The following SMAD3 variants were observed in gnomAD, a reference collection of about 807,000 sequenced individuals.
The protein encoded by SMAD3 is SMAD family member 3, also known as MAD homolog 3.
In SMAD3, 12 loss-of-function variants were observed where a neutral mutation model predicts 51.8. That is an observed-to-expected ratio of 0.23 (90% CI 0.15 to 0.38). The LOEUF is 0.38. Among genes scored for constraint, SMAD3 ranks in the 10% least tolerant of loss-of-function variants. The pLI is 1.00. For missense variants in SMAD3, 294 were observed against 565.6 expected (o/e 0.52, Z 4.87); for synonymous variants, 238 against 227.7 (o/e 1.05, Z -0.41).
chr15:67,130,053 A>G (rs990986), intron 1 of SMAD3, among the ~76,000 whole-genome samples: 39,732 of 152,162 alleles, frequency 0.26, 6,246 homozygotes, highest in Middle Eastern at 0.37. Flanking sequence ...TCTTCTTCCC[A>G]TTAAGGAAGA....
At chr15:67,120,503 G>C (rs1961234341) in intron 1 of SMAD3, among the ~76,000 whole-genome samples, 1 of 152,214 alleles carries the variant, frequency 6.6e-6, no homozygotes, top group Non-Finnish European at 1.5e-5. Context: ...CTGGTAAAAT[G>C]TCTGTGTTTA....
intron 5 of SMAD3, 126 bp downstream of exon 5, chr15:67,170,730 C>T: frequency 1.3e-6 from 1 of 799,984 alleles, no homozygotes; most frequent in South Asian, 1.5e-5. Context: ...CCAGCTCAGC[C>T]CATCAGGTTT....
intron 1 of SMAD3, chr15:67,137,872 C>G: frequency 3.3e-6 from 2 of 604,968 alleles, no homozygotes; most frequent in Admixed American, 2.6e-5. Flanking sequence ...TACTGTCCTC[C>G]CTTTGGATTT....
At position 67,066,086 on chromosome 15, in the gene SMAD3, G is replaced by A. The variant is rs1595881977; in HGVS notation, c.-69G>A. On this transcript the variant is annotated 5_prime_UTR_variant, in exon 1 of 9. Transcript: ENST00000327367. ...AGGCCCCGGCCGAGCTCCCCTCTGC[G>A]CCCCCGGCGTCCCGTCGAGCCCAGC... 8 of 1,243,040 alleles carry A rather than the reference G, an allele frequency of 6.4e-6. No individual in the cohort carries two copies. Among genetic ancestry groups the A allele is most frequent in the Middle Eastern group, 2.8e-4 (1 of 3,632 alleles). The allele number at this position is 1,243,040 out of a possible 1,614,324, so 77.0% of individuals were successfully genotyped here.
At chr15:67,074,784 G>A (rs1960132796) in intron 1 of SMAD3, among the ~76,000 whole-genome samples, 1 of 152,180 alleles carries the variant, frequency 6.6e-6, no homozygotes, top group African/African-American at 2.4e-5. Flanking sequence ...CCGCCTCCCA[G>A]GTTCAAGCAG....
intron 1 of SMAD3, among the ~76,000 whole-genome samples, chr15:67,162,597 C>T (rs1392860996): frequency 1.3e-5 from 2 of 152,160 alleles, no homozygotes; most frequent in African/African-American, 2.4e-5. Flanking sequence ...GCCTTTGGGG[C>T]CCTGCAGAGT....
intron 1 of SMAD3, among the ~76,000 whole-genome samples, chr15:67,098,376 A>AAGCAAGCAAGCC (rs138907970): frequency 8.7e-5 from 13 of 150,016 alleles, no homozygotes; most frequent in Admixed American, 7.3e-4. Context: ...GCAAGCAAGC[A>AAGCAAGCAAGCC]AGCCAGCAGG....
intron 1 of SMAD3, among the ~76,000 whole-genome samples, chr15:67,124,481 A>G (rs941744291): frequency 1.3e-5 from 2 of 152,160 alleles, no homozygotes; most frequent in African/African-American, 4.8e-5. Context: ...TTTAGAGAAG[A>G]TGGACTTGTT....
intron 1 of SMAD3, among the ~76,000 whole-genome samples, chr15:67,072,079 T>C (rs1366829424): frequency 6.6e-6 from 1 of 152,158 alleles, no homozygotes; most frequent in Non-Finnish European, 1.5e-5. Flanking sequence ...ATGCAAGAAG[T>C]TGATGAAATT....
At chr15:67,187,546 C>T in intron 8 of SMAD3, 37 bp downstream of exon 8, 2 of 1,612,722 alleles carry the variant, frequency 1.2e-6, no homozygotes, top group Non-Finnish European at 1.7e-6. Context: ...GGGGACCCAA[C>T]TCCAGGTGAC....
chr15:67,139,562 T>C (rs892953021), intron 1 of SMAD3, among the ~76,000 whole-genome samples: 1 of 152,130 alleles, frequency 6.6e-6, no homozygotes, highest in African/African-American at 2.4e-5. Flanking sequence ...CCCTGGTGGG[T>C]CCTGGGCTGA....
rs1959902840 is a variant in SMAD3 at position 67,065,958 on chromosome 15, G to T, written c.-197G>T. On this transcript the variant is annotated 5_prime_UTR_variant, in exon 1 of 9. Coordinates refer to ENST00000327367, the MANE Select transcript of SMAD3 (RefSeq NM_005902.4). The stretch of plus-strand genomic sequence containing the variant: ...CTCTTCGCCGTGGGAGCCGCTCCGG[G>T]CGCAGGGCCGCGCGCCGAGCCCCGC... 1 of 210,900 alleles carries T rather than the reference G, an allele frequency of 4.7e-6. No homozygotes were observed. The highest frequency in any genetic ancestry group is 9.4e-6 in the Non-Finnish European group (1 of 106,098). 13.1% of individuals were successfully genotyped at this position (210,900 alleles called of 1,614,324 possible).
At chr15:67,078,812 ATGT>A (rs1408273743) in intron 1 of SMAD3, among the ~76,000 whole-genome samples, 4 of 152,168 alleles carry the variant, frequency 2.6e-5, no homozygotes, top group African/African-American at 9.7e-5. Flanking sequence ...GACTGTGGAC[ATGT>A]TGTTTAACTT....
chr15:67,145,133 G>C (rs1337263476), intron 1 of SMAD3, among the ~76,000 whole-genome samples: 1 of 152,204 alleles, frequency 6.6e-6, no homozygotes, highest in African/African-American at 2.4e-5. Context: ...CTTACTGTGT[G>C]TAAGAAAAAT....
chr15:67,147,327 CTG>C (rs1161755647), intron 1 of SMAD3, among the ~76,000 whole-genome samples: 1 of 152,206 alleles, frequency 6.6e-6, no homozygotes, highest in Non-Finnish European at 1.5e-5. Context: ...AGAAACCACT[CTG>C]TTCTTTCTGC....
intron 1 of SMAD3, among the ~76,000 whole-genome samples, chr15:67,120,333 G>A (rs1220856102): frequency 3.3e-5 from 5 of 152,246 alleles, no homozygotes; most frequent in African/African-American, 9.6e-5. Context: ...ATGACCTGGA[G>A]TTGGGGAGGG....
In SMAD3 at chr15:67,121,482, C is replaced by T. The variant is rs530307647; in HGVS notation, c.207-43413C>T. On this transcript the variant is annotated intron_variant, in intron 1 of 8. Coordinates refer to ENST00000327367, the MANE Select transcript of SMAD3 (RefSeq NM_005902.4). Reference sequence around the variant, plus strand: ...GGCCCCGGGGAGGGCTGCAGATGGGCGGGGGGTGGCTGCCTGGGAGGACGG... The same window carrying T: ...GGCCCCGGGGAGGGCTGCAGATGGGTGGGGGGTGGCTGCCTGGGAGGACGG... Among the ~76,000 whole-genome samples, 33 of 151,890 alleles carry T rather than the reference C, an allele frequency of 2.2e-4. 1 individual carries two copies. Among genetic ancestry groups the T allele is most frequent in the Non-Finnish European group, 3.8e-4 (26 of 67,946 alleles).
intron 1 of SMAD3, among the ~76,000 whole-genome samples, chr15:67,067,071 C>T (rs746640351): frequency 3.3e-5 from 5 of 152,046 alleles, no homozygotes; most frequent in African/African-American, 4.8e-5. Flanking sequence ...CTCCCACCCC[C>T]CCATCCCGAC....
chr15:67,070,836 A>G (rs929593907), intron 1 of SMAD3, among the ~76,000 whole-genome samples: 10 of 152,120 alleles, frequency 6.6e-5, no homozygotes, highest in Non-Finnish European at 1.5e-5. Flanking sequence ...GGATTTGGGA[A>G]TCCATTTAAG....
Sources: allele counts gnomAD v4.1 joint callset (sites outside exome capture counted in the v4.1 genomes callset), GRCh38; gene constraint gnomAD v4.1.1; transcripts MANE v1.5; gene names NCBI Gene and HGNC (gene_info 2026-07-23, HGNC 2026-07-21).